The following TMCO5A variants were observed in gnomAD, a reference collection of about 807,000 sequenced individuals.
TMCO5A encodes transmembrane and coiled-coil domain-containing protein 5A.
In TMCO5A, 34 loss-of-function variants were observed where a neutral mutation model predicts 42.3. The observed-to-expected ratio is 0.80, with a 90% confidence interval of 0.61 to 1.07. The LOEUF is 1.07. Ranked by LOEUF, TMCO5A falls within the 50% of genes least tolerant of loss-of-function variation. The pLI is 0.00. For synonymous variants in TMCO5A, 131 were observed against 115.6 expected (o/e 1.13, Z -0.86); for missense variants, 357 against 327.9 (o/e 1.09, Z -0.69).
chr15:37,964,334 G>C (rs781205476), intron 11 of TMCO5A, among the ~76,000 whole-genome samples: 6 of 152,176 alleles, frequency 3.9e-5, no homozygotes, highest in Non-Finnish European at 5.9e-5. Context: ...TGTCTGCACA[G>C]AGTCCTGTCA....
the TMCO5A span, among the ~76,000 whole-genome samples, chr15:37,987,892 C>CA: frequency 1.7e-4 from 25 of 151,238 alleles, no homozygotes; most frequent in South Asian, 5.2e-3. Context: ...TATTTCTGCC[C>CA]AAAAAAAAGT....
the TMCO5A span, among the ~76,000 whole-genome samples, chr15:38,015,518 C>G: frequency 6.6e-6 from 1 of 152,074 alleles, no homozygotes; most frequent in African/African-American, 2.4e-5. Context: ...TAAACATACC[C>G]TAATCATAAA....
intron 10 of TMCO5A, 54 bp from the exon 11 acceptor site, chr15:37,947,602 G>A: frequency 1.7e-6 from 2 of 1,150,086 alleles, no homozygotes; most frequent in Non-Finnish European, 2.6e-6. Context: ...ATTATTGGAT[G>A]ATGATAATAG....
At chr15:37,993,269 TAATA>T in the TMCO5A span, 1 of 152,158 alleles carries the variant, frequency 6.6e-6, no homozygotes, top group Non-Finnish European at 1.5e-5. Flanking sequence ...TACCAGTTTT[TAATA>T]TGCTTGGTGA....
chr15:37,973,390 C>T, the TMCO5A span, among the ~76,000 whole-genome samples: 1 of 152,098 alleles, frequency 6.6e-6, no homozygotes, highest in Non-Finnish European at 1.5e-5. Flanking sequence ...TCAGTATGGC[C>T]ATTTTAACAA....
chr15:37,987,024 A>G, the TMCO5A span, among the ~76,000 whole-genome samples: 1 of 152,006 alleles, frequency 6.6e-6, no homozygotes, highest in African/African-American at 2.4e-5. Context: ...CATTTTGACC[A>G]ATAGTGCACA....
At chr15:37,975,514 A>G in the TMCO5A span, among the ~76,000 whole-genome samples, 2 of 151,172 alleles carry the variant, frequency 1.3e-5, no homozygotes, top group Admixed American at 1.3e-4. Flanking sequence ...TCTTTTGATT[A>G]CCATTGGTTT....
At chr15:38,032,967 G>A in the TMCO5A span, among the ~76,000 whole-genome samples, 2 of 136,386 alleles carry the variant, frequency 1.5e-5, no homozygotes, top group East Asian at 2.2e-4. Flanking sequence ...TCGCCTTGTC[G>A]CCCAGGCTGG....
chr15:37,941,282 G>C, intron 7 of TMCO5A, 77 bp downstream of exon 7: 1 of 1,426,586 alleles, frequency 7.0e-7, no homozygotes, highest in South Asian at 1.2e-5. Flanking sequence ...TATTTCTCAA[G>C]TGATTGATTT....
chr15:38,028,021 T>C, the TMCO5A span, among the ~76,000 whole-genome samples: 1 of 152,174 alleles, frequency 6.6e-6, no homozygotes, highest in Non-Finnish European at 1.5e-5. Flanking sequence ...CTAATACCCA[T>C]GGTGTCTTGC....
chr15:37,959,552 T>C (rs1890371236), intron 11 of TMCO5A, among the ~76,000 whole-genome samples: 3 of 152,042 alleles, frequency 2.0e-5, no homozygotes, highest in South Asian at 2.1e-4. Context: ...TCAATCAATG[T>C]GATTCATTAT....
chr15:37,986,420 TG>T, the TMCO5A span, among the ~76,000 whole-genome samples: 1 of 150,988 alleles, frequency 6.6e-6, no homozygotes, highest in East Asian at 1.9e-4. Flanking sequence ...TGTGTGTGTG[TG>T]TGTTTAAATC....
the TMCO5A span, chr15:38,004,923 TG>T: frequency 6.6e-6 from 1 of 152,232 alleles, no homozygotes; most frequent in Admixed American, 6.5e-5. Context: ...GGTGTATAAT[TG>T]CTGGAGGCTT....
chr15:38,018,621 T>G, the TMCO5A span, among the ~76,000 whole-genome samples: 17 of 151,824 alleles, frequency 1.1e-4, no homozygotes, highest in African/African-American at 3.4e-4. Context: ...GTCTAAAAAA[T>G]TCCACATATA....
intron 10 of TMCO5A, 158 bp downstream of exon 10, chr15:37,943,556 A>C: frequency 1.6e-6 from 1 of 613,694 alleles, no homozygotes; most frequent in Non-Finnish European, 2.8e-6. Context: ...ACCCTAAACA[A>C]ACAAACTAGA....
chr15:38,024,380 A>C, the TMCO5A span, among the ~76,000 whole-genome samples: 1 of 152,216 alleles, frequency 6.6e-6, no homozygotes, highest in Non-Finnish European at 1.5e-5. Context: ...GTAACATGCA[A>C]AAAACAAGAG....
chr15:38,032,160 G>A, the TMCO5A span, among the ~76,000 whole-genome samples: 5 of 152,122 alleles, frequency 3.3e-5, no homozygotes, highest in African/African-American at 1.2e-4. Flanking sequence ...TCTCCATGTT[G>A]GTTAGGCTGG....
chr15:37,981,956 C>G, the TMCO5A span, among the ~76,000 whole-genome samples: 1 of 152,206 alleles, frequency 6.6e-6, no homozygotes, highest in Non-Finnish European at 1.5e-5. Flanking sequence ...TATGATTTGA[C>G]CACAGTAGCC....
downstream of TMCO5A, among the ~76,000 whole-genome samples, chr15:37,972,672 T>C (rs1595616155): frequency 6.6e-6 from 1 of 152,356 alleles, no homozygotes; most frequent in South Asian, 2.1e-4. Context: ...TTATAGATTC[T>C]GGATATTCGA....
Sources: allele counts gnomAD v4.1 joint callset (sites outside exome capture counted in the v4.1 genomes callset), GRCh38; gene constraint gnomAD v4.1.1; transcripts MANE v1.5; gene names NCBI Gene and HGNC (gene_info 2026-07-23, HGNC 2026-07-21).